Variants in CCDC28B observed in about 807,000 individuals in gnomAD.
CCDC28B encodes the protein coiled-coil domain containing 28B.
Under a neutral mutation model 18.7 loss-of-function variants are expected in CCDC28B, and 17 were observed. That is an observed-to-expected ratio of 0.91 (90% confidence interval 0.62 to 1.36). The LOEUF is 1.36. Among genes scored for constraint, CCDC28B ranks in the 40% most tolerant of loss-of-function variants. The probability of loss-of-function intolerance (pLI) is 0.00; values close to 1 mark genes in which losing one functional copy is unlikely to be tolerated. For missense variants in CCDC28B, 213 were observed against 251.7 expected, an observed-to-expected ratio of 0.85 and a Z score of 1.04; for synonymous variants, 116 against 105.1, an observed-to-expected ratio of 1.10 and a Z score of -0.64.
intron 2 of CCDC28B, chr1:32,202,357 G>GA: frequency 3.0e-6 from 2 of 658,452 alleles, no homozygotes; most frequent in South Asian, 3.0e-5. Flanking sequence ...GCAAGAAAGT[G>GA]AATGTTCCAC....
In CCDC28B at chr1:32,201,931, G is replaced by C. The variant is rs185098317; in HGVS notation, c.-5G>C. 2 of 1,594,654 alleles carry C rather than the reference G, an allele frequency of 1.3e-6. No homozygotes were observed. Among genetic ancestry groups the C allele is most frequent in the Non-Finnish European group, 1.7e-6 (2 of 1,172,324 alleles). On this transcript the variant is annotated 5_prime_UTR_variant, in exon 2 of 6. Coordinates refer to ENST00000373602, the MANE Select transcript of CCDC28B (RefSeq NM_024296.5). ...CTCCTAGGCCTGAGGCCCAGCCAGC[G>C]CCCAATGGATGACAAAAAGAAGAAA...
rs1643291447 is a variant in CCDC28B at position 32,205,355 on chromosome 1, G to A, written c.*107G>A. 8.6e-7 allele frequency: 1 copy of A among 1,161,310 alleles called. No individual in the cohort carries two copies. Among genetic ancestry groups the A allele is most frequent in the Non-Finnish European group, 1.2e-6 (1 of 828,868 alleles). 71.9% of individuals were successfully genotyped at this position (1,161,310 alleles called of 1,614,324 possible). ...CCCCCAGGTGCTATGGGGGAGGGGG[G>A]CGTTGAATGGAATTAAACCAGAAAG... On this transcript the variant is annotated 3_prime_UTR_variant, in exon 6 of 6. Transcript: ENST00000373602. The surrounding 1 kb of genome is among the most constrained non-coding windows in gnomAD (Gnocchi z 5.6).
intron 1 of CCDC28B, among the ~76,000 whole-genome samples, chr1:32,201,032 C>A (rs1018141047): frequency 1.3e-5 from 2 of 151,732 alleles, no homozygotes; most frequent in African/African-American, 2.4e-5. Context: ...CACCCACCCC[C>A]CCAACCCCCC....
intron 1 of CCDC28B, among the ~76,000 whole-genome samples, chr1:32,201,518 G>A (rs548387936): frequency 2.0e-5 from 3 of 152,160 alleles, no homozygotes; most frequent in African/African-American, 7.2e-5. Flanking sequence ...CTGATAAATA[G>A]AATAGGGTTT....
upstream of CCDC28B, chr1:32,197,970 G>A (rs1365658236): frequency 6.6e-6 from 1 of 152,466 alleles, no homozygotes; most frequent in African/African-American, 2.4e-5. The surrounding 1 kb of genome is among the most constrained non-coding windows in gnomAD (Gnocchi z 4.6). Context: ...GGAGGCCAGT[G>A]GAGCTGCCTG....
intron 2 of CCDC28B, chr1:32,203,188 G>A (rs2124188546): frequency 6.6e-6 from 1 of 151,634 alleles, no homozygotes; most frequent in South Asian, 2.1e-4. Context: ...TAGGGGCAGT[G>A]GCTCAGGCCT....
chr1:32,204,981 CGCACACACCCCAG>C, intron 5 of CCDC28B, 200 bp from the exon 6 acceptor site: 1 of 1,242,526 alleles, frequency 8.0e-7, no homozygotes, highest in Non-Finnish European at 1.1e-6. Flanking sequence ...CGAGTGCGCG[CGCACACACCCCAG>C]TGTGTCTGAC....
upstream of CCDC28B, among the ~76,000 whole-genome samples, chr1:32,198,817 TC>T (rs1054140803): frequency 2.6e-4 from 40 of 151,976 alleles, no homozygotes; most frequent in African/African-American, 9.4e-4. Flanking sequence ...GTGGGCTAGA[TC>T]CAGAGGGCAG....
chr1:32,202,126 G>A (rs1643160797), intron 2 of CCDC28B, 27 bp downstream of exon 2: 3 of 1,611,382 alleles, frequency 1.9e-6, no homozygotes, highest in Admixed American at 1.7e-5. Context: ...AGGAAAGGAG[G>A]AGGGACCCCA....
intron 1 of CCDC28B, among the ~76,000 whole-genome samples, chr1:32,200,971 C>A (rs1344922640): frequency 6.6e-6 from 1 of 152,230 alleles, no homozygotes; most frequent in Non-Finnish European, 1.5e-5. Flanking sequence ...CCCACACCCG[C>A]AGACCCCGTC....
upstream of CCDC28B, chr1:32,200,310 T>G (rs72666782): frequency 0.024 from 3,614 of 153,094 alleles, 58 homozygotes; most frequent in South Asian, 0.049. Flanking sequence ...TGCTTGTGCT[T>G]CTTCTGTGCT....
In CCDC28B at chr1:32,204,071, G is replaced by A. The variant is rs202021004; in HGVS notation, c.331+26G>A. The A allele has an allele frequency of 4.7e-4, 730 of 1,568,194 alleles. 6 individuals carry two copies. Among genetic ancestry groups the A allele is most frequent in the African/African-American group, 4.1e-4 (30 of 73,618 alleles). On this transcript the variant is annotated intron_variant, in intron 3 of 5. Coordinates refer to ENST00000373602, the MANE Select transcript of CCDC28B (RefSeq NM_024296.5). ...GTGAGTCCTGGGGGCTGGTTTCAGCGGGTGTGTGGATAGGGCTGTAGGGCC... is the reference window on the plus strand; with the variant it reads ...GTGAGTCCTGGGGGCTGGTTTCAGCAGGTGTGTGGATAGGGCTGTAGGGCC...
In CCDC28B at chr1:32,205,088, C is replaced by A; in HGVS notation, c.549-106C>A. The A allele has an allele frequency of 2.1e-6, 3 of 1,397,548 alleles. No individual in the cohort carries two copies. The highest frequency in any genetic ancestry group is 2.9e-6 in the Non-Finnish European group (3 of 1,022,162). 86.6% of individuals were successfully genotyped at this position (1,397,548 alleles called of 1,614,324 possible). On this transcript the variant is annotated intron_variant, in intron 5 of 5. Coordinates refer to ENST00000373602, the MANE Select transcript of CCDC28B (RefSeq NM_024296.5). The surrounding 1 kb of genome is among the most constrained non-coding windows in gnomAD (Gnocchi z 5.6). ...CAGTCCACAGACGGCCCGAGACCCTCGTCCCCGGCCCTTTGCACAGGTGAG... is the reference window on the plus strand; with the variant it reads ...CAGTCCACAGACGGCCCGAGACCCTAGTCCCCGGCCCTTTGCACAGGTGAG...
upstream of CCDC28B, chr1:32,200,579 A>C (rs1201036682): frequency 2.0e-5 from 3 of 152,206 alleles, no homozygotes; most frequent in Non-Finnish European, 4.4e-5. Context: ...GCTAAGGAGA[A>C]GGTCACTTTC....
Position 32,204,286 on chromosome 1 carries a change from C to G in CCDC28B, c.432C>G (p.Asp144Glu), listed in dbSNP as rs560392992. The change falls in exon 4 of 6, where the codon GAC becomes GAG. Residue 144 changes from aspartate to glutamate, a missense_variant. Transcript: ENST00000373602. Reference sequence around the variant, plus strand: ...TGGATGTGTGTGGGGAGGAGGAGGACGATGAAGAGGAAGAGGATGGGGTCA... The same window carrying G: ...TGGATGTGTGTGGGGAGGAGGAGGAGGATGAAGAGGAAGAGGATGGGGTCA... ...FSLDVCGEEE[D>E]DEEEEDGVTE... 24 of 1,613,218 alleles carry G rather than the reference C, an allele frequency of 1.5e-5. No homozygotes were observed. The Admixed American group carries it at 4.0e-4, about 27-fold the overall frequency.
Position 32,205,268 on chromosome 1 carries a change from A to G in CCDC28B, c.*20A>G. 4 of 1,602,286 alleles carry G rather than the reference A, an allele frequency of 2.5e-6. 1 individual carries two copies. On this transcript the variant is annotated 3_prime_UTR_variant, in exon 6 of 6. Coordinates refer to ENST00000373602, the MANE Select transcript of CCDC28B (RefSeq NM_024296.5). This position sits in a 1 kb window ranked among gnomAD's most constrained non-coding sequence, Gnocchi z 5.6. The stretch of plus-strand genomic sequence containing the variant: ...GCGTAGGCGTCCCACGCAGGCCCAC[A>G]CTGCCCCTCTCATTCTCTTCAAACT...
Position 32,205,160 on chromosome 1 carries a change from T to A in CCDC28B, c.549-34T>A, listed in dbSNP as rs368004223. 48 of 1,611,662 alleles carry A rather than the reference T, an allele frequency of 3.0e-5. 1 individual carries two copies. The highest frequency in any genetic ancestry group is 3.8e-5 in the Non-Finnish European group (45 of 1,178,642). Reference sequence around the variant, plus strand: ...GGGAGACCGGGGTGGGAGGAAGGACTGGTCCAAAGCGCCACGATCCTTGAC... The same window carrying A: ...GGGAGACCGGGGTGGGAGGAAGGACAGGTCCAAAGCGCCACGATCCTTGAC... On this transcript the variant is annotated intron_variant, in intron 5 of 5. Transcript: ENST00000373602. This position sits in a 1 kb window ranked among gnomAD's most constrained non-coding sequence, Gnocchi z 5.6.
upstream of CCDC28B, among the ~76,000 whole-genome samples, chr1:32,199,694 G>A (rs1362368876): frequency 6.6e-6 from 1 of 152,200 alleles, no homozygotes; most frequent in African/African-American, 2.4e-5. Flanking sequence ...TCAGCCAAGA[G>A]GCCCAACCCC....
chr1:32,201,953 G>A lies in CCDC28B; in HGVS notation c.18G>A (p.Lys6=). 1 of 1,605,332 alleles carries A rather than the reference G, an allele frequency of 6.2e-7. No individual in the cohort carries two copies. Among genetic ancestry groups the A allele is most frequent in the Non-Finnish European group, 8.5e-7 (1 of 1,176,586 alleles). The change falls in exon 2 of 6, where the codon AAG becomes AAA. Residue 6 remains lysine, a synonymous_variant. Transcript: ENST00000373602. MDDKK[K]KRSPKPCLAQ... ...AGCGCCCAATGGATGACAAAAAGAA[G>A]AAACGGAGTCCCAAGCCCTGCCTGG...
Sources: allele counts gnomAD v4.1 joint callset (sites outside exome capture counted in the v4.1 genomes callset), GRCh38; gene constraint gnomAD v4.1.1; non-coding constraint Gnocchi (gnomAD v3.1); transcripts MANE v1.5; gene names NCBI Gene and HGNC (gene_info 2026-07-23, HGNC 2026-07-21).